Variants in GPHN observed in about 807,000 individuals in gnomAD.
GPHN encodes gephyrin.
A neutral mutation model predicts 95.5 loss-of-function variants in GPHN; 17 were observed. The observed-to-expected ratio is 0.18, with a 90% CI of 0.12 to 0.27. The LOEUF is 0.27. GPHN is among the 10% of genes least tolerant of loss of function. The pLI is 1.00. For synonymous variants in GPHN, 320 were observed against 322.5 expected (o/e 0.99, Z 0.08); for missense variants, 660 against 978.1 (o/e 0.67, Z 4.34).
chr14:67,284,209 T>C, the GPHN span, among the ~76,000 whole-genome samples: 1 of 152,128 alleles, frequency 6.6e-6, no homozygotes, highest in Non-Finnish European at 1.5e-5. Flanking sequence ...ACTAATTTCT[T>C]ATTTCATTTT....
At chr14:67,539,886 C>T in the GPHN span, among the ~76,000 whole-genome samples, 3 of 152,106 alleles carry the variant, frequency 2.0e-5, no homozygotes, top group South Asian at 2.1e-4. Context: ...ACATGCCTGG[C>T]ATACAATAAA....
At chr14:66,955,522 T>A (rs915120366) in intron 8 of GPHN, among the ~76,000 whole-genome samples, 2 of 152,220 alleles carry the variant, frequency 1.3e-5, no homozygotes, top group African/African-American at 4.8e-5. Flanking sequence ...TTTGTCAGCC[T>A]ACTTAAAGAT....
intron 21 of GPHN, among the ~76,000 whole-genome samples, chr14:67,177,138 C>G (rs2083020866): frequency 6.6e-6 from 1 of 152,156 alleles, no homozygotes; most frequent in African/African-American, 2.4e-5. Flanking sequence ...TTTATTTCCT[C>G]TTACTCCTCT....
rs181525640 is a variant in GPHN at position 67,055,323 on chromosome 14, A to G, written c.1007-3326A>G. Among the ~76,000 whole-genome samples the G allele has an allele frequency of 3.9e-3, 598 of 152,334 alleles. 5 individuals carry two copies. The highest frequency in any genetic ancestry group is 0.014 in the African/African-American group (572 of 41,574). On this transcript the variant is annotated intron_variant, in intron 10 of 22. Coordinates refer to ENST00000478722, the MANE Select transcript of GPHN (RefSeq NM_020806.5). ...CAACAAACATGGAAAAAAGCTCAAC[A>G]TCACTGATCATTAGAGAAATGCAAA...
At chr14:66,591,565 AAG>A (rs964861706) in intron 1 of GPHN, among the ~76,000 whole-genome samples, 65 of 152,316 alleles carry the variant, frequency 4.3e-4, no homozygotes, top group African/African-American at 1.5e-3. Flanking sequence ...AATTGCTACA[AAG>A]AGAATAAAAC....
chr14:67,711,638 T>C, the GPHN span, among the ~76,000 whole-genome samples: 1 of 152,354 alleles, frequency 6.6e-6, no homozygotes, highest in African/African-American at 2.4e-5. Context: ...GTACATCTTA[T>C]AGATTCATAA....
At chr14:67,522,516 G>T in the GPHN span, among the ~76,000 whole-genome samples, 1 of 152,160 alleles carries the variant, frequency 6.6e-6, no homozygotes, top group African/African-American at 2.4e-5. Flanking sequence ...TGCCTGGGGG[G>T]ACACTGTGTG....
At chr14:67,255,110 C>T in the GPHN span, among the ~76,000 whole-genome samples, 9 of 152,018 alleles carry the variant, frequency 5.9e-5, no homozygotes, top group African/African-American at 1.7e-4. Flanking sequence ...GATTGTGCCA[C>T]TGCACTCCAG....
At chr14:66,562,902 C>G (rs2060323727) in intron 1 of GPHN, among the ~76,000 whole-genome samples, 1 of 151,722 alleles carries the variant, frequency 6.6e-6, no homozygotes, top group Middle Eastern at 3.4e-3. Context: ...TGTGCGCAAA[C>G]TTGCCTTTTC....
chr14:67,473,900 C>A, the GPHN span: 5 of 1,607,660 alleles, frequency 3.1e-6, no homozygotes, highest in Admixed American at 1.7e-5. The surrounding 1 kb of genome is among the most constrained non-coding windows in gnomAD (Gnocchi z 6.5). Flanking sequence ...GGGACAGCGC[C>A]GTCAGGGGCT....
chr14:66,843,134 G>T (rs570184324), intron 4 of GPHN, among the ~76,000 whole-genome samples: 1 of 151,894 alleles, frequency 6.6e-6, no homozygotes, highest in Non-Finnish European at 1.5e-5. Context: ...ATTGCCTTTG[G>T]TTTTTGTCTC....
Position 66,646,431 on chromosome 14 carries a change from A to T in GPHN, c.65-34676A>T, listed in dbSNP as rs577856949. 2.0e-5 allele frequency among the ~76,000 whole-genome samples: 3 copies of T among 152,292 alleles called. No individual in the cohort carries two copies. In the East Asian group the frequency reaches 5.8e-4, roughly 29 times the overall value. On this transcript the variant is annotated intron_variant, in intron 1 of 22. Transcript: ENST00000478722. Reference sequence around the variant, plus strand: ...AGTATAATGGTTCCTCAAAAAGTTAAAAATAGAATTATGATTGTACAATTC... The same window carrying T: ...AGTATAATGGTTCCTCAAAAAGTTATAAATAGAATTATGATTGTACAATTC...
At chr14:66,813,400 C>T (rs2060838128) in intron 3 of GPHN, among the ~76,000 whole-genome samples, 1 of 152,116 alleles carries the variant, frequency 6.6e-6, no homozygotes, top group Non-Finnish European at 1.5e-5. Context: ...GACATAGAAG[C>T]TGGGCTAAAG....
the GPHN span, among the ~76,000 whole-genome samples, chr14:67,508,526 G>A: frequency 6.6e-6 from 1 of 151,864 alleles, no homozygotes; most frequent in Non-Finnish European, 1.5e-5. Flanking sequence ...TCTCCAAGAG[G>A]GGTCAGCTCA....
At chr14:67,029,598 A>G (rs572420188) in intron 10 of GPHN, among the ~76,000 whole-genome samples, 2 of 152,264 alleles carry the variant, frequency 1.3e-5, no homozygotes, top group African/African-American at 2.4e-5. Context: ...CAGCCCCCCA[A>G]AGTGCTGGGA....
At chr14:67,039,907 G>A (rs748537143) in intron 10 of GPHN, among the ~76,000 whole-genome samples, 10 of 152,200 alleles carry the variant, frequency 6.6e-5, no homozygotes, top group Non-Finnish European at 1.5e-4. Context: ...TACTTTGTCA[G>A]TCTATATAAT....
At chr14:67,442,120 A>G in the GPHN span, among the ~76,000 whole-genome samples, 1 of 152,162 alleles carries the variant, frequency 6.6e-6, no homozygotes, top group East Asian at 1.9e-4. Flanking sequence ...CTTTATGCCA[A>G]TGTAGTCACA....
rs1449896379 is a variant in GPHN at position 66,991,827 on chromosome 14, G to A, written c.963+26502G>A. 5.5e-5 allele frequency among the ~76,000 whole-genome samples: 8 copies of A among 145,598 alleles called. No homozygotes were observed. The South Asian group carries it at 6.5e-4, about 12-fold the overall frequency. On this transcript the variant is annotated intron_variant, in intron 9 of 22. Transcript: ENST00000478722. ...GTGGAGGTTGCAGTGAGCCAGGATC[G>A]CTCTGCTGCACTCCAGCCTGGGCAA... is the stretch of plus-strand genomic sequence containing the variant.
chr14:67,152,567 A>G (rs1004668344), intron 18 of GPHN, among the ~76,000 whole-genome samples: 2 of 152,240 alleles, frequency 1.3e-5, no homozygotes, highest in African/African-American at 4.8e-5. Context: ...GTAATCAAGA[A>G]TGCTGAAATA....
Sources: gnomAD v4.1 joint callset for allele counts (sites outside exome capture counted in the v4.1 genomes callset) on GRCh38, gnomAD v4.1.1 for gene constraint, Gnocchi (gnomAD v3.1) non-coding constraint, MANE v1.5 for transcripts, NCBI Gene and HGNC (gene_info 2026-07-23, HGNC 2026-07-21) for gene names.